The following CADM1 variants were observed in gnomAD, a reference collection of about 807,000 sequenced individuals.
CADM1 encodes the protein TSLC-1.
A neutral mutation model predicts 53.1 loss-of-function variants in CADM1; 15 were observed. The ratio of observed to expected loss-of-function variants is 0.28; its 90% CI spans 0.19 to 0.44. The LOEUF (loss-of-function observed/expected upper bound fraction) is 0.44. Among genes scored for constraint, CADM1 ranks in the 20% least tolerant of loss-of-function variants. CADM1 has a pLI of 1.00. For missense variants in CADM1, 434 were observed against 611.3 expected, an observed-to-expected ratio of 0.71 and a Z score of 3.06; for synonymous variants, 281 against 243.0, an observed-to-expected ratio of 1.16 and a Z score of -1.45.
At chr11:115,219,863 AAAG>A (rs1010917604) in intron 5 of CADM1, among the ~76,000 whole-genome samples, 4 of 152,250 alleles carry the variant, frequency 2.6e-5, no homozygotes, top group African/African-American at 9.6e-5. Context: ...AAAAAAAATG[AAAG>A]AAGAAGGTTA....
chr11:115,310,989 C>T (rs1295664841), intron 1 of CADM1, among the ~76,000 whole-genome samples: 3 of 152,122 alleles, frequency 2.0e-5, no homozygotes, highest in African/African-American at 7.2e-5. Context: ...TTGTTACAGG[C>T]ATTACATGCT....
At chr11:115,504,147 T>A (rs921938240) in intron 1 of CADM1, 124 bp downstream of exon 1, 13 of 1,407,124 alleles carry the variant, frequency 9.2e-6, no homozygotes, top group Middle Eastern at 1.8e-4. Flanking sequence ...CTCTCCACAC[T>A]CCCTCCGCTT....
In CADM1 at chr11:115,231,641, A is replaced by G; in HGVS notation, c.425-151T>C. ...TACAAAGTAATCATCAAATAAAGTG[A>G]GTTATGCAAAATCAGTTAATTTAGA... is the stretch of plus-strand genomic sequence containing the variant. On this transcript the variant is annotated intron_variant, in intron 3 of 11. Transcript: ENST00000331581. 4.0e-6 allele frequency: 3 copies of G among 742,636 alleles called. No individual in the cohort carries two copies. The Admixed American group carries it at 6.2e-5, about 15-fold the overall frequency. 46.0% of individuals were successfully genotyped at this position (742,636 alleles called of 1,614,324 possible).
At chr11:115,249,390 A>G (rs1438474033) in intron 1 of CADM1, among the ~76,000 whole-genome samples, 1 of 152,256 alleles carries the variant, frequency 6.6e-6, no homozygotes, top group Non-Finnish European at 1.5e-5. Flanking sequence ...AACTGTGTAA[A>G]TAGCAGCTGA....
At position 115,176,510 on chromosome 11, in the gene CADM1, C is replaced by A; in HGVS notation, c.1380G>T (p.Gln460His). The part of the protein sequence containing the change: ...DTAIINAEGG[Q>H]NNSEEKKEYF... ...ACTCTTTCTTTTCTTCGGAGTTGTT[C>A]TGTCCTCCTTCTGCATTGATTATAG... Residue 460 changes from glutamine (Q) to histidine (H), a missense_variant, in exon 12 of 12, where the codon CAG becomes CAT. This residue lies in a region of CADM1 where 16 missense variants were observed against 41.8 expected (regional missense o/e 0.38). Coordinates refer to ENST00000331581, the MANE Select transcript of CADM1 (RefSeq NM_001301043.2). 6.2e-7 allele frequency: 1 copy of A among 1,614,076 alleles called. No individual in the cohort carries two copies. Among genetic ancestry groups the A allele is most frequent in the Non-Finnish European group, 8.5e-7 (1 of 1,179,964 alleles).
chr11:115,198,501 G>A (rs1041283438), intron 8 of CADM1, 63 bp from the exon 9 acceptor site: 1 of 1,353,198 alleles, frequency 7.4e-7, no homozygotes, highest in South Asian at 1.2e-5. Flanking sequence ...TGCAAAAAAA[G>A]GGAAAATGGA....
intron 1 of CADM1, among the ~76,000 whole-genome samples, chr11:115,350,417 G>A (rs1355785823): frequency 6.6e-6 from 1 of 152,148 alleles, no homozygotes; most frequent in Non-Finnish European, 1.5e-5. Context: ...GGGAAGGGGA[G>A]AGGTGGAAAG....
intron 1 of CADM1, among the ~76,000 whole-genome samples, chr11:115,452,365 C>T (rs764060218): frequency 1.1e-4 from 16 of 152,152 alleles, no homozygotes; most frequent in South Asian, 2.1e-4. Context: ...CACTTTAACC[C>T]GGAAACTAGA....
intron 6 of CADM1, among the ~76,000 whole-genome samples, chr11:115,216,353 C>T (rs552096269): frequency 1.6e-4 from 25 of 152,264 alleles, no homozygotes; most frequent in African/African-American, 6.0e-4. Flanking sequence ...TTCAATTGAA[C>T]GAAGTACCTT....
chr11:115,301,069 G>A (rs1460344322), intron 1 of CADM1, among the ~76,000 whole-genome samples: 3 of 152,128 alleles, frequency 2.0e-5, no homozygotes, highest in Admixed American at 2.0e-4. Context: ...CTGAGTGAGG[G>A]CAGGAGAATC....
intron 1 of CADM1, among the ~76,000 whole-genome samples, chr11:115,364,628 C>T (rs1946112594): frequency 6.6e-6 from 1 of 152,010 alleles, no homozygotes. Context: ...ATACTTGTGA[C>T]ATAGCATATT....
intron 1 of CADM1, among the ~76,000 whole-genome samples, chr11:115,293,603 T>C (rs1317279615): frequency 6.6e-6 from 1 of 152,148 alleles, no homozygotes; most frequent in Non-Finnish European, 1.5e-5. Flanking sequence ...AATCATAAAT[T>C]TGAAGCAAAC....
intron 1 of CADM1, among the ~76,000 whole-genome samples, chr11:115,467,915 G>A (rs1329110147): frequency 6.6e-6 from 1 of 152,134 alleles, no homozygotes; most frequent in African/African-American, 2.4e-5. Flanking sequence ...GTTGTCTAAA[G>A]TTTACATTTC....
chr11:115,234,749 C>T (rs1462309297), intron 3 of CADM1, among the ~76,000 whole-genome samples: 1 of 151,910 alleles, frequency 6.6e-6, no homozygotes. Flanking sequence ...AAAAATTAGC[C>T]AGGTGAGGTG....
intron 1 of CADM1, among the ~76,000 whole-genome samples, chr11:115,472,879 C>CA (rs1565444405): frequency 4.0e-5 from 6 of 151,484 alleles, no homozygotes; most frequent in African/African-American, 1.5e-4. Flanking sequence ...GCCTAGAAAG[C>CA]GAAAAAAAAC....
At chr11:115,498,041 CAA>C (rs1266728422) in intron 1 of CADM1, among the ~76,000 whole-genome samples, 3 of 148,858 alleles carry the variant, frequency 2.0e-5, no homozygotes, top group African/African-American at 4.9e-5. Context: ...TCAGAAAAAC[CAA>C]AGACTTTTTG....
chr11:115,295,547 T>TAA lies in CADM1; in HGVS notation c.125-55128_125-55127insTT, dbSNP rs1157093542. Among the ~76,000 whole-genome samples the TAA allele has an allele frequency of 2.1e-4, 12 of 58,448 alleles. No homozygotes were observed. In the East Asian group the frequency reaches 8.2e-3, roughly 40 times the overall value. 38.3% of individuals were successfully genotyped at this position (58,448 alleles called of 152,430 possible). On this transcript the variant is annotated intron_variant, in intron 1 of 11. Transcript: ENST00000331581. ...ATATATATATATATATATATATATA[T>TAA]ATAATATATATGTATATGCACATAT...
intron 1 of CADM1, among the ~76,000 whole-genome samples, chr11:115,478,429 T>C (rs1171916301): frequency 6.6e-6 from 1 of 152,114 alleles, no homozygotes. Context: ...AAGACATAAA[T>C]ATAAATACCT....
In CADM1 at chr11:115,502,639, C is replaced by G. The variant is rs314464; in HGVS notation, c.124+1632G>C. On this transcript the variant is annotated intron_variant, in intron 1 of 11. Coordinates refer to ENST00000331581, the MANE Select transcript of CADM1 (RefSeq NM_001301043.2). ...GAGACAGTGGCATGGAGGAAAAAAACCCTCAGCGCTGGAATTGACGCTGCT... is the reference window on the plus strand; with the variant it reads ...GAGACAGTGGCATGGAGGAAAAAAAGCCTCAGCGCTGGAATTGACGCTGCT... 3.9e-3 allele frequency among the ~76,000 whole-genome samples: 595 copies of G among 152,108 alleles called. 5 individuals carry two copies. The highest frequency in any genetic ancestry group is 0.013 in the African/African-American group (546 of 41,478).
Sources: gnomAD v4.1 joint callset for allele counts (sites outside exome capture counted in the v4.1 genomes callset) on GRCh38, gnomAD v4.1.1 for gene constraint, gnomAD v4.1.1 regional missense constraint, MANE v1.5 for transcripts, NCBI Gene and HGNC (gene_info 2026-07-23, HGNC 2026-07-21) for gene names.